ANKRD31: variants seen among roughly 807,000 people sequenced by gnomAD.
ANKRD31 encodes the protein ankyrin repeat domain 31.
ANKRD31 carries 147 observed loss-of-function variants against 186.0 expected under a neutral mutation model. That is an observed-to-expected ratio of 0.79 (90% CI 0.69 to 0.91). The LOEUF is 0.91. Ranked by LOEUF, ANKRD31 falls within the 40% of genes least tolerant of loss-of-function variation. The pLI is 0.00. For synonymous variants in ANKRD31, 673 were observed against 736.4 expected (o/e 0.91, Z 1.39); for missense variants, 1,986 against 2,148.8 (o/e 0.92, Z 1.50).
At chr5:75,152,407 T>C (rs971989197) in intron 12 of ANKRD31, among the ~76,000 whole-genome samples, 4 of 152,008 alleles carry the variant, frequency 2.6e-5, no homozygotes, top group East Asian at 3.9e-4. Context: ...CCCACTCACT[T>C]CATGGTGAGA....
chr5:75,186,948 C>T (rs372164423), intron 10 of ANKRD31, among the ~76,000 whole-genome samples: 45 of 151,800 alleles, frequency 3.0e-4, no homozygotes, highest in African/African-American at 9.7e-4. Flanking sequence ...ATACTGTAAA[C>T]GCTCACTACA....
At chr5:75,199,726 A>G in intron 5 of ANKRD31, 52 bp from the exon 6 acceptor site, 1 of 1,413,902 alleles carries the variant, frequency 7.1e-7, no homozygotes, top group Admixed American at 2.1e-5. Context: ...CACTAAAAAC[A>G]TACCTTCTCA....
intron 5 of ANKRD31, 35 bp downstream of exon 5, chr5:75,206,376 A>T (rs2150277126): frequency 7.7e-7 from 1 of 1,303,774 alleles, no homozygotes; most frequent in Non-Finnish European, 9.9e-7. Flanking sequence ...GGCAAAGACT[A>T]ATTTCCTTTA....
At chr5:75,083,436 A>T (rs1262791268) in intron 24 of ANKRD31, among the ~76,000 whole-genome samples, 1 of 152,154 alleles carries the variant, frequency 6.6e-6, no homozygotes, top group African/African-American at 2.4e-5. Flanking sequence ...TAAAAAGGGG[A>T]AAGCAGGCCA....
Position 75,118,275 on chromosome 5 carries a change from T to C in ANKRD31, c.3899A>G (p.Asn1300Ser), listed in dbSNP as rs757192880. The C allele has an allele frequency of 1.1e-5, 17 of 1,506,292 alleles. No individual in the cohort carries two copies. The highest frequency in any genetic ancestry group is 2.6e-5 in the South Asian group (2 of 77,366). 93.3% of individuals were successfully genotyped at this position (1,506,292 alleles called of 1,614,324 possible). A position where few individuals can be genotyped will look rare whatever the true frequency, so the allele number is the denominator to read the frequency against. ...HLKAAEILLQ[N>S]GANPNQKDQK... ...ATCTTTTTGATTAGGGTTTGCTCCA[T>C]TTTGTAGTAGAATCTCAGCTGCCTA... The change falls in exon 18 of 26, where the codon AAT becomes AGT. Residue 1300 changes from asparagine (N) to serine (S), a missense_variant. Transcript: ENST00000506364.
In ANKRD31 at chr5:75,146,150, A is replaced by G; in HGVS notation, c.3261T>C (p.Ser1087=). The G allele has an allele frequency of 1.3e-6, 2 of 1,535,962 alleles. No homozygotes were observed. The highest frequency in any genetic ancestry group is 1.7e-6 in the Non-Finnish European group (2 of 1,146,290). Reference sequence around the variant, plus strand: ...CAACTTTAGTTGTTTCTATTACTTGAGAATGAGCAACTATGGATAAAGGCT... The same window carrying G: ...CAACTTTAGTTGTTTCTATTACTTGGGAATGAGCAACTATGGATAAAGGCT... ...SNEPLSIVAH[S]QVIETTKVEK... The change falls in exon 14 of 26, where the codon TCT becomes TCC. Residue 1087 remains serine (S), a synonymous_variant. Transcript: ENST00000506364.
chr5:75,186,506 C>A (rs1041815275), intron 10 of ANKRD31, among the ~76,000 whole-genome samples: 2 of 152,166 alleles, frequency 1.3e-5, no homozygotes, highest in Admixed American at 6.5e-5. Flanking sequence ...TCTGGGCCAA[C>A]CTTTCTTTTT....
chr5:75,107,325 A>T (rs1181834284), intron 21 of ANKRD31, among the ~76,000 whole-genome samples, 196 bp downstream of exon 21: 1 of 152,004 alleles, frequency 6.6e-6, no homozygotes, highest in Non-Finnish European at 1.5e-5. Context: ...TGACTATCCC[A>T]AGTAATAGTG....
intron 17 of ANKRD31, 110 bp downstream of exon 17, chr5:75,137,746 A>G (rs1750707669): frequency 9.2e-7 from 1 of 1,084,852 alleles, no homozygotes; most frequent in African/African-American, 1.6e-5. Flanking sequence ...GGTTTTAAAA[A>G]AATCACTTGT....
chr5:75,084,139 C>T (rs1745298852), intron 24 of ANKRD31, 133 bp downstream of exon 24: 3 of 694,772 alleles, frequency 4.3e-6, no homozygotes, highest in African/African-American at 1.8e-5. Context: ...GAATTGTTCA[C>T]CTTGAAATAG....
intron 11 of ANKRD31, 111 bp downstream of exon 11, chr5:75,168,868 C>G: frequency 1.1e-5 from 12 of 1,045,480 alleles, no homozygotes; most frequent in African/African-American, 1.6e-5. Flanking sequence ...TATTCATTAG[C>G]AGAATGAAAT....
At chr5:75,138,068 C>G (rs1750736816) in intron 16 of ANKRD31, 70 bp from the exon 17 acceptor site, 1 of 1,309,560 alleles carries the variant, frequency 7.6e-7, no homozygotes, top group Admixed American at 3.3e-5. Flanking sequence ...ATCTGTATTA[C>G]TAAGGTTTTG....
intron 25 of ANKRD31, among the ~76,000 whole-genome samples, chr5:75,079,403 A>G (rs1744910172): frequency 6.6e-6 from 1 of 152,244 alleles, no homozygotes. Context: ...GATTTCTCAT[A>G]AAGAGGGAGA....
chr5:75,153,397 G>A (rs1268112242), intron 12 of ANKRD31, among the ~76,000 whole-genome samples: 2 of 152,070 alleles, frequency 1.3e-5, no homozygotes, highest in African/African-American at 4.8e-5. Context: ...TATAGTGAAG[G>A]TAAGAAGGGG....
chr5:75,196,019 G>T lies in ANKRD31; in HGVS notation c.629C>A (p.Thr210Asn). 1 of 1,533,684 alleles carries T rather than the reference G, an allele frequency of 6.5e-7. No homozygotes were observed. Among genetic ancestry groups the T allele is most frequent in the Non-Finnish European group, 8.7e-7 (1 of 1,145,728 alleles). The change falls in exon 7 of 26, where the codon ACT becomes AAT. Residue 210 changes from threonine (T) to asparagine (N), a missense_variant. By Grantham distance (65) the Thr-to-Asn change is moderately conservative. Transcript: ENST00000506364. ...EVTMTMTSEETKDEESSLETF... is the reference protein window; with the variant it reads ...EVTMTMTSEENKDEESSLETF... ...TTCAAGAGAGCTTTCTTCATCCTTA[G>T]TTTCTTCAGAAGTCATGGTCATTGT...
intron 20 of ANKRD31, among the ~76,000 whole-genome samples, chr5:75,112,251 G>A (rs993183713): frequency 6.6e-6 from 1 of 152,078 alleles, no homozygotes; most frequent in Admixed American, 6.6e-5. Flanking sequence ...CCAGCATCTA[G>A]AAGTATCTTT....
At chr5:75,086,140 A>G (rs1329145631) in intron 23 of ANKRD31, among the ~76,000 whole-genome samples, 1 of 152,240 alleles carries the variant, frequency 6.6e-6, no homozygotes, top group Non-Finnish European at 1.5e-5. Flanking sequence ...ATCAAAGTGC[A>G]GGCTCAGTAT....
At chr5:75,135,729 A>C (rs1287215561) in intron 17 of ANKRD31, among the ~76,000 whole-genome samples, 1 of 152,214 alleles carries the variant, frequency 6.6e-6, no homozygotes, top group Non-Finnish European at 1.5e-5. Context: ...AGCAAAAAGA[A>C]CAAAGCTGCA....
chr5:75,161,059 G>C (rs1474819651), intron 11 of ANKRD31, among the ~76,000 whole-genome samples: 1 of 152,146 alleles, frequency 6.6e-6, no homozygotes, highest in Non-Finnish European at 1.5e-5. Context: ...CAGTAGAGTG[G>C]GGTGCTGCTG....
Sources: gnomAD v4.1 joint callset for allele counts (sites outside exome capture counted in the v4.1 genomes callset) on GRCh38, gnomAD v4.1.1 for gene constraint, MANE v1.5 for transcripts, NCBI Gene and HGNC (gene_info 2026-07-23, HGNC 2026-07-21) for gene names.